The following NHEJ1 variants were observed in gnomAD, a reference collection of about 807,000 sequenced individuals.
The protein encoded by NHEJ1 is non-homologous end-joining factor 1.
In NHEJ1, 22 loss-of-function variants were observed where a neutral mutation model predicts 39.4. The observed-to-expected ratio is 0.56, with a 90% confidence interval of 0.40 to 0.80. The LOEUF is 0.80. NHEJ1 is among the 30% of genes least tolerant of loss of function. NHEJ1 has a pLI of 0.00. For missense variants in NHEJ1, 329 were observed against 357.1 expected (o/e 0.92, Z 0.63); for synonymous variants, 154 against 135.6 (o/e 1.14, Z -0.94).
At chr2:219,150,210 A>G (rs1379031464) in intron 3 of NHEJ1, among the ~76,000 whole-genome samples, 1 of 152,224 alleles carries the variant, frequency 6.6e-6, no homozygotes, top group African/African-American at 2.4e-5. Context: ...CATTTCTGCT[A>G]GATTAGAAAA....
At position 219,075,515 on chromosome 2, in the gene NHEJ1, G is replaced by A. The variant is rs544936406; in HGVS notation, c.*866C>T. Reference sequence around the variant, plus strand: ...TAATCCCAGCACTTTGGGAGGTTGAGGTGGGCAGATCACTAGAGTCCAGGA... The same window carrying A: ...TAATCCCAGCACTTTGGGAGGTTGAAGTGGGCAGATCACTAGAGTCCAGGA... On this transcript the variant is annotated 3_prime_UTR_variant, in exon 8 of 8. Coordinates refer to ENST00000356853, the MANE Select transcript of NHEJ1 (RefSeq NM_024782.3). 2 of 152,222 alleles carry A rather than the reference G, an allele frequency of 1.3e-5. No individual in the cohort carries two copies. Among genetic ancestry groups the A allele is most frequent in the Admixed American group, 6.5e-5 (1 of 15,294 alleles). 9.4% of individuals were successfully genotyped at this position (152,222 alleles called of 1,614,324 possible).
rs373471462 is a variant in NHEJ1 at position 219,119,533 on chromosome 2, T to A, written c.588+27147A>T. Among the ~76,000 whole-genome samples the A allele has an allele frequency of 4.0e-5, 6 of 151,744 alleles. No individual in the cohort carries two copies. In the South Asian group the frequency reaches 6.2e-4, roughly 16 times the overall value. On this transcript the variant is annotated intron_variant, in intron 5 of 7. Coordinates refer to ENST00000356853, the MANE Select transcript of NHEJ1 (RefSeq NM_024782.3). Reference sequence around the variant, plus strand: ...GGGTAACCAATCCCCCACTCCCCCATCCCTATTTCAGAAGAGAATCCCTCC... The same window carrying A: ...GGGTAACCAATCCCCCACTCCCCCAACCCTATTTCAGAAGAGAATCCCTCC...
Position 219,106,189 on chromosome 2 carries a change from T to C in NHEJ1, c.589-27983A>G, listed in dbSNP as rs116361001. Reference sequence around the variant, plus strand: ...CTTGAAGACAGAGAAATGGTCTTTTTCTCTTGGGTCTAAGAAGACCTTGCC... The same window carrying C: ...CTTGAAGACAGAGAAATGGTCTTTTCCTCTTGGGTCTAAGAAGACCTTGCC... On this transcript the variant is annotated intron_variant, in intron 5 of 7. Coordinates refer to ENST00000356853, the MANE Select transcript of NHEJ1 (RefSeq NM_024782.3). Among the ~76,000 whole-genome samples the C allele has an allele frequency of 2.0e-3, 302 of 152,282 alleles. 1 individual carries two copies. Among genetic ancestry groups the C allele is most frequent in the African/African-American group, 6.9e-3 (288 of 41,552 alleles).
intron 5 of NHEJ1, among the ~76,000 whole-genome samples, chr2:219,079,251 CCTAGGCGTGCAAATCACCATG>C (rs367846494): frequency 0.016 from 2,449 of 152,264 alleles, 68 homozygotes; most frequent in African/African-American, 0.056. Flanking sequence ...TTCACCTGTC[CCTAGGCGTGCAAATCACCATG>C]GTTCCCAGCC....
intron 5 of NHEJ1, among the ~76,000 whole-genome samples, chr2:219,105,822 A>C (rs1367787016): frequency 6.6e-6 from 1 of 152,094 alleles, no homozygotes; most frequent in Admixed American, 6.5e-5. Flanking sequence ...TCATTTTCCC[A>C]TGGTACGTTA....
intron 5 of NHEJ1, among the ~76,000 whole-genome samples, chr2:219,080,294 T>G (rs1949049972): frequency 6.6e-6 from 1 of 152,056 alleles, no homozygotes; most frequent in Admixed American, 6.6e-5. Context: ...CCCAGCACTT[T>G]GGGAGGCCGA....
chr2:219,134,389 T>A (rs547471253), intron 5 of NHEJ1, among the ~76,000 whole-genome samples: 3 of 152,370 alleles, frequency 2.0e-5, no homozygotes, highest in South Asian at 4.1e-4. Flanking sequence ...AAATTATAAC[T>A]TAGATAAAGC....
In NHEJ1 at chr2:219,157,531, C is replaced by T. The variant is rs1949866149; in HGVS notation, c.331G>A (p.Glu111Lys). 1 of 1,614,190 alleles carries T rather than the reference C, an allele frequency of 6.2e-7. No individual in the cohort carries two copies. Among genetic ancestry groups the T allele is most frequent in the East Asian group, 2.2e-5 (1 of 44,886 alleles). ...ADALILRVRS[E>K]LSGLPFYWNF... is the part of the protein sequence containing the mutation. ...CAATAGAAGGGGAGGCCAGAGAGCT[C>T]ACTTCGCACCCGTAGAATCAGTGCA... The change falls in exon 3 of 8, where the codon GAG (glutamate) becomes AAG (lysine). Residue 111 changes from glutamate to lysine, a missense_variant. Coordinates refer to ENST00000356853, the MANE Select transcript of NHEJ1 (RefSeq NM_024782.3).
intron 5 of NHEJ1, among the ~76,000 whole-genome samples, chr2:219,119,664 G>A (rs1222440573): frequency 6.6e-6 from 1 of 152,126 alleles, no homozygotes; most frequent in African/African-American, 2.4e-5. Context: ...GAGTAGAACA[G>A]ATCTTTGAAT....
At position 219,074,277 on chromosome 2, in the gene NHEJ1, C is replaced by T. The variant is rs1948991791; in HGVS notation, c.*2104G>A. ...ATTTTACCTACAATTTTGAGGGATT[C>T]ACAGGCCTCTGGCCCCGCTGTGATG... On this transcript the variant is annotated 3_prime_UTR_variant, in exon 8 of 8. Coordinates refer to ENST00000356853, the MANE Select transcript of NHEJ1 (RefSeq NM_024782.3). Among the ~76,000 whole-genome samples, 1 of 152,168 alleles carries T rather than the reference C, an allele frequency of 6.6e-6. No homozygotes were observed. The highest frequency in any genetic ancestry group is 1.5e-5 in the Non-Finnish European group (1 of 68,030).
Position 219,076,304 on chromosome 2 carries a change from G to C in NHEJ1, c.*77C>G. ...GTATCACTATTTTAGAAATATTGCT[G>C]CCATGTAAGCTTCTTTCAAGGTGAA... On this transcript the variant is annotated 3_prime_UTR_variant, in exon 8 of 8. Transcript: ENST00000356853. 1 of 1,613,104 alleles carries C rather than the reference G, an allele frequency of 6.2e-7. No homozygotes were observed. The highest frequency in any genetic ancestry group is 8.5e-7 in the Non-Finnish European group (1 of 1,179,604).
At chr2:219,141,648 C>T (rs1574738106) in intron 5 of NHEJ1, among the ~76,000 whole-genome samples, 1 of 152,074 alleles carries the variant, frequency 6.6e-6, no homozygotes, top group African/African-American at 2.4e-5. Flanking sequence ...TTAGGATGTG[C>T]TTTATGTGGG....
chr2:219,139,005 T>C (rs908219695), intron 5 of NHEJ1, among the ~76,000 whole-genome samples: 6 of 152,206 alleles, frequency 3.9e-5, no homozygotes, highest in African/African-American at 1.4e-4. Context: ...TACAGTGAGA[T>C]AGTGATAGAA....
chr2:219,086,230 A>C (rs905481362), intron 5 of NHEJ1, among the ~76,000 whole-genome samples: 2 of 152,110 alleles, frequency 1.3e-5, no homozygotes, highest in African/African-American at 2.4e-5. Context: ...TTTACTTGTC[A>C]TGACTTGAAG....
At chr2:219,101,706 C>T (rs1456426173) in intron 5 of NHEJ1, among the ~76,000 whole-genome samples, 2 of 151,724 alleles carry the variant, frequency 1.3e-5, no homozygotes, top group South Asian at 2.1e-4. Context: ...CCACCGCACC[C>T]GAACTACCTC....
chr2:219,077,151 C>T, intron 7 of NHEJ1, 95 bp downstream of exon 7: 1 of 889,042 alleles, frequency 1.1e-6, no homozygotes, highest in Non-Finnish European at 1.9e-6. Context: ...ATTTTTGAGG[C>T]AGTGCCAATG....
At chr2:219,096,179 T>C (rs1167287558) in intron 5 of NHEJ1, among the ~76,000 whole-genome samples, 1 of 152,228 alleles carries the variant, frequency 6.6e-6, no homozygotes, top group Non-Finnish European at 1.5e-5. Flanking sequence ...GAATTTTTAT[T>C]GTATAAAGTT....
chr2:219,160,379 C>T (rs1949921241), intron 1 of NHEJ1: 1 of 152,490 alleles, frequency 6.6e-6, no homozygotes, highest in African/African-American at 2.4e-5. Context: ...TTCCACCCGC[C>T]CCAGCTATAA....
intron 3 of NHEJ1, among the ~76,000 whole-genome samples, 193 bp downstream of exon 3, chr2:219,157,279 T>G (rs935098205): frequency 3.3e-5 from 5 of 152,224 alleles, no homozygotes; most frequent in Non-Finnish European, 7.3e-5. Context: ...ATAAAGACAC[T>G]CAGTACTCTG....
Sources: gnomAD v4.1 joint callset for allele counts (sites outside exome capture counted in the v4.1 genomes callset) on GRCh38, gnomAD v4.1.1 for gene constraint, MANE v1.5 for transcripts, NCBI Gene and HGNC (gene_info 2026-07-23, HGNC 2026-07-21) for gene names.